Variants in SLC9D1 observed in about 807,000 individuals in gnomAD.
SLC9D1 encodes the protein putative LAG1-interacting protein.
chr13:113,531,251 T>G, the SLC9D1 span, among the ~76,000 whole-genome samples: 58,836 of 152,012 alleles, frequency 0.39, 12,450 homozygotes, highest in African/African-American at 0.56. Flanking sequence ...ACCTGTCCGC[T>G]GGCCAGACAT....
chr13:113,525,690 T>C, the SLC9D1 span, among the ~76,000 whole-genome samples: 7 of 151,646 alleles, frequency 4.6e-5, no homozygotes, highest in Admixed American at 4.6e-4. Context: ...GTGCCTGTTA[T>C]TCTAGAACAA....
At chr13:113,507,132 G>T in the SLC9D1 span, among the ~76,000 whole-genome samples, 1 of 152,040 alleles carries the variant, frequency 6.6e-6, no homozygotes, top group Non-Finnish European at 1.5e-5. Context: ...GTGTCTTGGC[G>T]CTGACGAGGG....
chr13:113,520,548 G>T, the SLC9D1 span: 1 of 1,035,574 alleles, frequency 9.7e-7, no homozygotes, highest in Non-Finnish European at 1.5e-6. Flanking sequence ...TGTGTACAAT[G>T]GCAATATTTT....
At chr13:113,539,308 C>G in the SLC9D1 span, 1 of 1,588,478 alleles carries the variant, frequency 6.3e-7, no homozygotes, top group Non-Finnish European at 8.6e-7. The surrounding 1 kb of genome is among the most constrained non-coding windows in gnomAD (Gnocchi z 4.8). Context: ...TGGGGGTGAC[C>G]CTGGTGCACT....
At chr13:113,517,763 T>C in the SLC9D1 span, among the ~76,000 whole-genome samples, 1 of 152,044 alleles carries the variant, frequency 6.6e-6, no homozygotes, top group African/African-American at 2.4e-5. Flanking sequence ...TAGAAATGCA[T>C]TCAAGGGGAT....
the SLC9D1 span, among the ~76,000 whole-genome samples, chr13:113,532,787 G>T: frequency 3.4e-5 from 5 of 145,576 alleles, no homozygotes; most frequent in African/African-American, 2.5e-5. Context: ...CTCCTTCTAA[G>T]TCGCAGACGT....
the SLC9D1 span, among the ~76,000 whole-genome samples, chr13:113,545,534 A>C: frequency 6.6e-6 from 1 of 152,224 alleles, no homozygotes; most frequent in Admixed American, 6.5e-5. Flanking sequence ...ACTGGAATGC[A>C]TTAGGCTCCA....
chr13:113,535,118 A>G, the SLC9D1 span: 1 of 152,282 alleles, frequency 6.6e-6, no homozygotes, highest in East Asian at 1.9e-4. The surrounding 1 kb of genome is among the most constrained non-coding windows in gnomAD (Gnocchi z 4.1). Flanking sequence ...AAAGCGCCAT[A>G]AACACTAATA....
chr13:113,501,764 A>G, the SLC9D1 span: 3 of 1,609,428 alleles, frequency 1.9e-6, no homozygotes, highest in Non-Finnish European at 2.5e-6. Context: ...CATTGTTACC[A>G]TAGGAATGCT....
At chr13:113,503,351 G>A in the SLC9D1 span, 11 of 193,506 alleles carry the variant, frequency 5.7e-5, no homozygotes, top group South Asian at 9.2e-4. Flanking sequence ...GTGATTGTGT[G>A]TGTGTGTGTG....
the SLC9D1 span, among the ~76,000 whole-genome samples, chr13:113,497,364 AGCTGTGTGTGAGACC>A: frequency 6.8e-6 from 1 of 146,980 alleles, no homozygotes; most frequent in Admixed American, 6.8e-5. Context: ...TGAGACCTGC[AGCTGTGTGTGAGACC>A]AGCTGTGTGT....
chr13:113,499,558 G>A, the SLC9D1 span, among the ~76,000 whole-genome samples: 1 of 152,196 alleles, frequency 6.6e-6, no homozygotes, highest in African/African-American at 2.4e-5. Context: ...AAGAAAAAAA[G>A]TGGGACTGAT....
At chr13:113,521,217 TG>T in the SLC9D1 span, among the ~76,000 whole-genome samples, 3 of 149,860 alleles carry the variant, frequency 2.0e-5, no homozygotes, top group Admixed American at 6.7e-5. Context: ...GCACCTGTGG[TG>T]GGGGGGCATG....
the SLC9D1 span, chr13:113,549,481 G>T: frequency 1.9e-6 from 3 of 1,614,156 alleles, no homozygotes; most frequent in Non-Finnish European, 2.5e-6. Context: ...CCCCGGTGCT[G>T]TGGAGAGCTG....
chr13:113,517,495 T>C, the SLC9D1 span, among the ~76,000 whole-genome samples: 2 of 152,188 alleles, frequency 1.3e-5, no homozygotes, highest in African/African-American at 4.8e-5. Flanking sequence ...CCCAAAGTGC[T>C]GGGATTACAT....
chr13:113,547,408 G>T, the SLC9D1 span: 2 of 1,563,736 alleles, frequency 1.3e-6, no homozygotes, highest in Admixed American at 1.7e-5. Context: ...CACGCCCCTC[G>T]CAGTTTGCAG....
the SLC9D1 span, chr13:113,545,629 T>C: frequency 2.0e-5 from 3 of 150,794 alleles, no homozygotes; most frequent in African/African-American, 7.4e-5. Context: ...TGAGCCATGT[T>C]CCCAGGGCAG....
chr13:113,544,508 A>G, the SLC9D1 span, among the ~76,000 whole-genome samples: 4 of 152,222 alleles, frequency 2.6e-5, no homozygotes, highest in African/African-American at 9.7e-5. Context: ...ATGCAGCTCT[A>G]TGGAAACAGC....
the SLC9D1 span, among the ~76,000 whole-genome samples, chr13:113,524,964 G>A: frequency 6.6e-6 from 1 of 152,000 alleles, no homozygotes; most frequent in Non-Finnish European, 1.5e-5. Context: ...ATCTCTGTGG[G>A]TTGACTGCGT....
Sources: allele counts gnomAD v4.1 joint callset (sites outside exome capture counted in the v4.1 genomes callset), GRCh38; gene constraint gnomAD v4.1.1; non-coding constraint Gnocchi (gnomAD v3.1); transcripts MANE v1.5; gene names NCBI Gene and HGNC (gene_info 2026-07-23, HGNC 2026-07-21).